GALNT18: variants seen among roughly 807,000 people sequenced by gnomAD.
The protein encoded by GALNT18 is polypeptide N-acetylgalactosaminyltransferase 18.
GALNT18 carries 44 observed loss-of-function variants against 69.5 expected under a neutral mutation model. The ratio of observed to expected loss-of-function variants is 0.63; its 90% CI spans 0.50 to 0.81. GALNT18 has a LOEUF of 0.81. Among genes scored for constraint, GALNT18 ranks in the 40% least tolerant of loss-of-function variants. The pLI, the probability that GALNT18 is intolerant of heterozygous loss-of-function variation, is 0.00. For synonymous variants in GALNT18, 364 were observed against 318.2 expected (o/e 1.14, Z -1.53); for missense variants, 715 against 810.0 (o/e 0.88, Z 1.42).
In GALNT18 at chr11:11,531,821, C is replaced by G. The variant is rs1261297238; in HGVS notation, c.236-82885G>C. ...TGCTCCCTTAACTCTGCCTCGATCT[C>G]TTCATTGTGATCCTTTCAGGTAAAC... On this transcript the variant is annotated intron_variant, in intron 1 of 10. Coordinates refer to ENST00000227756, the MANE Select transcript of GALNT18 (RefSeq NM_198516.3). 3.9e-5 allele frequency among the ~76,000 whole-genome samples: 6 copies of G among 152,206 alleles called. No homozygotes were observed. In the East Asian group the frequency reaches 1.2e-3, roughly 29 times the overall value.
At chr11:11,292,847 A>G (rs999663758) in intron 10 of GALNT18, among the ~76,000 whole-genome samples, 182 bp downstream of exon 10, 2 of 152,256 alleles carry the variant, frequency 1.3e-5, no homozygotes, top group Non-Finnish European at 2.9e-5. Flanking sequence ...TGAGACCCAC[A>G]GCACATGGTA....
rs1849737717 is a variant in GALNT18, at chr11:11,315,528, T to C, written c.1512+11558A>G. On this transcript the variant is annotated intron_variant, in intron 9 of 10. Coordinates refer to ENST00000227756, the MANE Select transcript of GALNT18 (RefSeq NM_198516.3). This position sits in a 1 kb window ranked among gnomAD's most constrained non-coding sequence, Gnocchi z 5.6. ...CTGGAGTGGGGATAACCGCAGGTTT[T>C]CAGCCCAACTCTTAGCCTCCGATGT... Among the ~76,000 whole-genome samples the C allele has an allele frequency of 6.6e-6, 1 of 152,144 alleles. No homozygotes were observed. The highest frequency in any genetic ancestry group is 2.4e-5 in the African/African-American group (1 of 41,422).
Position 11,523,719 on chromosome 11 carries a change from A to C in GALNT18, c.236-74783T>G, listed in dbSNP as rs1857453880. Among the ~76,000 whole-genome samples, 1 of 144,744 alleles carries C rather than the reference A, an allele frequency of 6.9e-6. No individual in the cohort carries two copies. The highest frequency in any genetic ancestry group is 1.5e-5 in the Non-Finnish European group (1 of 65,414). 95.0% of individuals were successfully genotyped at this position (144,744 alleles called of 152,430 possible). On this transcript the variant is annotated intron_variant, in intron 1 of 10. Coordinates refer to ENST00000227756, the MANE Select transcript of GALNT18 (RefSeq NM_198516.3). This position sits in a 1 kb window ranked among gnomAD's most constrained non-coding sequence, Gnocchi z 4.3. Reference sequence around the variant, plus strand: ...GGGCAACAGAGCGAGACTCCATCTCAAAAAAAAAAAAAAATATCGTACACC... The same window carrying C: ...GGGCAACAGAGCGAGACTCCATCTCCAAAAAAAAAAAAAATATCGTACACC...
chr11:11,491,929 T>G (rs993630427), intron 1 of GALNT18, among the ~76,000 whole-genome samples: 4 of 152,168 alleles, frequency 2.6e-5, no homozygotes, highest in Non-Finnish European at 5.9e-5. Flanking sequence ...GAGATTCAGA[T>G]GGACAAAATC....
At chr11:11,345,378 A>G (rs1398719581) in intron 6 of GALNT18, among the ~76,000 whole-genome samples, 1 of 152,144 alleles carries the variant, frequency 6.6e-6, no homozygotes, top group Non-Finnish European at 1.5e-5. Context: ...TCCACTGACC[A>G]GTGGCTTGAC....
chr11:11,364,569 T>C (rs183647278), intron 6 of GALNT18, among the ~76,000 whole-genome samples: 1,860 of 150,796 alleles, frequency 0.012, 40 homozygotes, highest in African/African-American at 0.044. Flanking sequence ...GAAAAAGAGA[T>C]GGAGAAAGAT....
chr11:11,574,046 T>A (rs1303053464), intron 1 of GALNT18, among the ~76,000 whole-genome samples: 3 of 152,126 alleles, frequency 2.0e-5, no homozygotes. Context: ...CATGACACTG[T>A]AGCATCTTTC....
rs1026048355 is a variant in GALNT18, at chr11:11,606,185, T to C, written c.235+15174A>G. Among the ~76,000 whole-genome samples the C allele has an allele frequency of 6.6e-6, 1 of 152,198 alleles. No individual in the cohort carries two copies. Among genetic ancestry groups the C allele is most frequent in the Admixed American group, 6.5e-5 (1 of 15,282 alleles). ...CTCTTACTGAGAGGTTTTAGGCAGC[T>C]GGTTTATTTATTCATGTGTTTACTC... On this transcript the variant is annotated intron_variant, in intron 1 of 10. Coordinates refer to ENST00000227756, the MANE Select transcript of GALNT18 (RefSeq NM_198516.3). This position sits in a 1 kb window ranked among gnomAD's most constrained non-coding sequence, Gnocchi z 5.4.
intron 6 of GALNT18, chr11:11,352,163 C>T (rs1850422279): frequency 6.2e-7 from 1 of 1,613,670 alleles, no homozygotes; most frequent in Non-Finnish European, 8.5e-7. Context: ...AGGGGTGCTC[C>T]ATGGCCTCTC....
chr11:11,311,083 G>T (rs4258375), intron 9 of GALNT18, among the ~76,000 whole-genome samples: 81,936 of 151,642 alleles, frequency 0.54, 22,123 homozygotes, highest in Middle Eastern at 0.63. Context: ...TGGTCTTGTA[G>T]GGACACTGCT....
At chr11:11,373,059 C>T (rs1388544930) in intron 5 of GALNT18, among the ~76,000 whole-genome samples, 2 of 152,170 alleles carry the variant, frequency 1.3e-5, no homozygotes, top group Non-Finnish European at 2.9e-5. Flanking sequence ...GAAAGATTAG[C>T]TGGGACCAGG....
rs1440879668 is a variant in GALNT18, at chr11:11,439,071, A to G, written c.429-6284T>C. ...TAGCACAGAAGCTCTGCGTAGCTGG[A>G]TCTAGTAATTTTAAAGAATGACCAG... On this transcript the variant is annotated intron_variant, in intron 2 of 10. Transcript: ENST00000227756. The surrounding 1 kb of genome is among the most constrained non-coding windows in gnomAD (Gnocchi z 4.4). Among the ~76,000 whole-genome samples the G allele has an allele frequency of 6.6e-6, 1 of 152,176 alleles. No homozygotes were observed. Among genetic ancestry groups the G allele is most frequent in the Non-Finnish European group, 1.5e-5 (1 of 68,038 alleles).
chr11:11,346,941 G>T (rs1850314129), intron 6 of GALNT18, among the ~76,000 whole-genome samples: 1 of 152,092 alleles, frequency 6.6e-6, no homozygotes, highest in Non-Finnish European at 1.5e-5. Context: ...GCTTTTTCTT[G>T]GGAATAATGA....
intron 6 of GALNT18, among the ~76,000 whole-genome samples, chr11:11,343,368 A>T (rs1319795501): frequency 6.6e-6 from 1 of 152,032 alleles, no homozygotes; most frequent in Non-Finnish European, 1.5e-5. Context: ...AAAAAAATAA[A>T]AAATAATAAT....
At chr11:11,342,696 T>C (rs1850230949) in intron 6 of GALNT18, among the ~76,000 whole-genome samples, 3 of 152,342 alleles carry the variant, frequency 2.0e-5, no homozygotes, top group Middle Eastern at 6.8e-3. Flanking sequence ...CACTGGACTG[T>C]ACATTCAGGA....
At chr11:11,302,237 C>T (rs764840794) in intron 9 of GALNT18, among the ~76,000 whole-genome samples, 6 of 152,166 alleles carry the variant, frequency 3.9e-5, no homozygotes, top group African/African-American at 1.2e-4. Context: ...GACTCAAAAA[C>T]GTCCAAGGAG....
rs1355326911 is a variant in GALNT18, at chr11:11,614,983, A to G, written c.235+6376T>C. 6.6e-6 allele frequency among the ~76,000 whole-genome samples: 1 copy of G among 152,230 alleles called. No individual in the cohort carries two copies. Among genetic ancestry groups the G allele is most frequent in the African/African-American group, 2.4e-5 (1 of 41,450 alleles). ...CTTCTTCATAAAGCTGTGGTTCTGA[A>G]CTAGTAACAAAGGTAATTAGGCTCA... On this transcript the variant is annotated intron_variant, in intron 1 of 10. Transcript: ENST00000227756. The surrounding 1 kb of genome is among the most constrained non-coding windows in gnomAD (Gnocchi z 5.6).
intron 1 of GALNT18, among the ~76,000 whole-genome samples, chr11:11,611,317 C>T (rs186154927): frequency 8.3e-4 from 127 of 152,180 alleles, no homozygotes; most frequent in African/African-American, 3.0e-3. Flanking sequence ...GAGGCTCAGA[C>T]AGTTGAAAAC....
intron 10 of GALNT18, among the ~76,000 whole-genome samples, chr11:11,289,938 A>AGAG: frequency 6.6e-6 from 1 of 152,218 alleles, no homozygotes. Flanking sequence ...GCTCACAGGC[A>AGAG]GAGGAGTCTG....
Sources: gnomAD v4.1 joint callset for allele counts (sites outside exome capture counted in the v4.1 genomes callset) on GRCh38, gnomAD v4.1.1 for gene constraint, Gnocchi (gnomAD v3.1) non-coding constraint, MANE v1.5 for transcripts, NCBI Gene and HGNC (gene_info 2026-07-23, HGNC 2026-07-21) for gene names.